Variants in GIPR observed in about 807,000 individuals in gnomAD.
GIPR encodes the protein gastric inhibitory polypeptide receptor, also known as GIP-R.
GIPR carries 74 observed loss-of-function variants against 62.2 expected under a neutral mutation model. The ratio of observed to expected loss-of-function variants is 1.19; its 90% confidence interval spans 0.99 to 1.44. The LOEUF is 1.44. GIPR is among the 40% of genes most tolerant of loss of function. GIPR has a pLI of 0.00. For synonymous variants in GIPR, 256 were observed against 262.2 expected (o/e 0.98, Z 0.23); for missense variants, 664 against 611.8 (o/e 1.09, Z -0.90).
Position 45,677,371 on chromosome 19 carries a change from A to G in GIPR, c.842A>G (p.Tyr281Cys), listed in dbSNP as rs1452158129. The G allele has an allele frequency of 1.9e-6, 3 of 1,580,028 alleles. No homozygotes were observed. In the Admixed American group the frequency reaches 5.0e-5, roughly 27 times the overall value. Residue 281 changes from tyrosine (Y) to cysteine (C), a missense_variant, in exon 9 of 14, where the codon TAC becomes TGC. Coordinates refer to ENST00000590918, the MANE Select transcript of GIPR (RefSeq NM_000164.4). ...CCCTGGGTGATCGTCAGGTACCTGT[A>G]CGAGAACACGCAGTGAGTTGCAGGG... The part of the protein sequence containing the change: ...VIPWVIVRYL[Y>C]ENTQCWERNE...
At chr19:45,671,723 C>T (rs1975548847) in intron 4 of GIPR, among the ~76,000 whole-genome samples, 1 of 152,176 alleles carries the variant, frequency 6.6e-6, no homozygotes, top group South Asian at 2.1e-4. Flanking sequence ...CCTCAGCCTC[C>T]CGAGAAGCCG....
chr19:45,673,419 CAAAAA>C (rs71175203), intron 5 of GIPR, among the ~76,000 whole-genome samples: 12,430 of 82,288 alleles, frequency 0.15, 604 homozygotes, highest in East Asian at 0.43. Flanking sequence ...GACTCCATCT[CAAAAA>C]AAAAAAAAAA....
intron 9 of GIPR, 130 bp downstream of exon 9, chr19:45,677,513 A>G (rs1003673289): frequency 6.9e-6 from 5 of 725,484 alleles, no homozygotes; most frequent in Admixed American, 2.1e-5. Flanking sequence ...CGGGATCCGA[A>G]GTAATGGGGA....
At chr19:45,680,367 CAAAA>C (rs202180199) in intron 12 of GIPR, among the ~76,000 whole-genome samples, 1 of 147,616 alleles carries the variant, frequency 6.8e-6, no homozygotes, top group Non-Finnish European at 1.5e-5. Flanking sequence ...GTCTCAAAAA[CAAAA>C]AAAAAATTAA....
Position 45,681,834 on chromosome 19 carries a change from G to T in GIPR, c.1300G>T (p.Gly434Cys). 1.3e-6 allele frequency: 2 copies of T among 1,555,668 alleles called. No homozygotes were observed. The highest frequency in any genetic ancestry group is 1.7e-6 in the Non-Finnish European group (2 of 1,149,358). Residue 434 changes from glycine to cysteine, a missense_variant, in exon 14 of 14, where the codon GGC becomes TGC. By Grantham distance (159) the Gly-to-Cys change is radical (BLOSUM62 -3). Coordinates refer to ENST00000590918, the MANE Select transcript of GIPR (RefSeq NM_000164.4). ...GCGCGCCTTCCGGGCCCTGCCCTCC[G>T]GCTCCGGCCCGGGCGAGGTCCCCAC... ...PERAFRALPS[G>C]SGPGEVPTSR...
At chr19:45,669,406 C>T (rs1325877498) in intron 1 of GIPR, 71 bp from the exon 2 acceptor site, 33 of 1,441,630 alleles carry the variant, frequency 2.3e-5, no homozygotes, top group Non-Finnish European at 3.0e-5. Flanking sequence ...GTGTGTGAAT[C>T]CCTGAGGCGG....
rs1466887239 is a variant in GIPR, at chr19:45,681,765, C to T, written c.1231C>T (p.Arg411Cys). ...SEIRRGWHHC[R>C]LRRSLGEEQR... ...GATCCGCCGTGGCTGGCACCACTGC[C>T]GCCTGCGCCGCAGCCTGGGCGAGGA... The change falls in exon 14 of 14, where the codon CGC becomes TGC. Residue 411 changes from arginine (R) to cysteine (C), a missense_variant. Arg to Cys is a radical substitution (Grantham distance 180). Transcript: ENST00000590918. 13 of 1,604,564 alleles carry T rather than the reference C, an allele frequency of 8.1e-6. No individual in the cohort carries two copies. Among genetic ancestry groups the T allele is most frequent in the African/African-American group, 2.7e-5 (2 of 74,772 alleles).
chr19:45,677,287 CGGCGGGGTGGGGG>C, intron 8 of GIPR, 23 bp from the exon 9 acceptor site: 2 of 966,596 alleles, frequency 2.1e-6, no homozygotes, highest in Non-Finnish European at 3.0e-6. Context: ...CTGACAGCTG[CGGCGGGGTGGGGG>C]GGCGGGGTCG....
chr19:45,670,570 C>A, intron 2 of GIPR, 65 bp from the exon 3 acceptor site: 1 of 1,156,954 alleles, frequency 8.6e-7, no homozygotes, highest in Non-Finnish European at 1.3e-6. Flanking sequence ...TTCTGGGCCA[C>A]ATGGACCTAG....
intron 3 of GIPR, among the ~76,000 whole-genome samples, 188 bp from the exon 4 acceptor site, chr19:45,671,097 G>T (rs554340810): frequency 3.3e-5 from 5 of 152,150 alleles, no homozygotes; most frequent in Admixed American, 3.3e-4. Context: ...TTTGAGGCTG[G>T]TGGGAGGAGC....
At chr19:45,672,093 C>A (rs918319416) in intron 4 of GIPR, among the ~76,000 whole-genome samples, 1 of 151,520 alleles carries the variant, frequency 6.6e-6, no homozygotes, top group African/African-American at 2.4e-5. Flanking sequence ...TTCACTGCAG[C>A]CTGGGAACTC....
rs1967278833 is a variant in GIPR at position 45,682,102 on chromosome 19, AC to A, written c.*168del. The A allele has an allele frequency of 1.5e-6, 1 of 657,332 alleles. No individual in the cohort carries two copies. The highest frequency in any genetic ancestry group is 2.7e-6 in the Non-Finnish European group (1 of 366,014). 40.7% of individuals were successfully genotyped at this position (657,332 alleles called of 1,614,324 possible). A position where few individuals can be genotyped will look rare whatever the true frequency, so the allele number is the denominator to read the frequency against. ...GGGGAAAACAGACCGTGAACACAAA[AC>A]ATCAAGTTCCACACACGCTATGGAA... is the stretch of plus-strand genomic sequence containing the variant. On this transcript the variant is annotated 3_prime_UTR_variant, in exon 14 of 14. Coordinates refer to ENST00000590918, the MANE Select transcript of GIPR (RefSeq NM_000164.4).
At chr19:45,678,975 C>T (rs1006213965) in intron 12 of GIPR, among the ~76,000 whole-genome samples, 12 of 152,220 alleles carry the variant, frequency 7.9e-5, no homozygotes, top group African/African-American at 2.2e-4. Context: ...GAGTCCCCAA[C>T]CTGCTTCACC....
Position 45,676,998 on chromosome 19 carries a change from G to A in GIPR, c.683G>A (p.Gly228Asp). The A allele has an allele frequency of 2.5e-6, 4 of 1,614,074 alleles. No individual in the cohort carries two copies. The South Asian group carries it at 4.4e-5, about 18-fold the overall frequency. ...CAGATCGTGACCCAGTACTGCGTGG[G>A]TGCCAACTACACGTGGCTGCTGGTG... Reference protein sequence around the residue: ...TAQIVTQYCVGANYTWLLVEG... With the variant: ...TAQIVTQYCVDANYTWLLVEG... Residue 228 changes from glycine to aspartate, a missense_variant, in exon 8 of 14, where the codon GGT (glycine) becomes GAT (aspartate). Physicochemically the swap from Gly to Asp is moderately conservative, Grantham distance 94 (BLOSUM62 -1). Coordinates refer to ENST00000590918, the MANE Select transcript of GIPR (RefSeq NM_000164.4).
intron 7 of GIPR, among the ~76,000 whole-genome samples, chr19:45,676,414 A>G (rs1046396746): frequency 2.0e-5 from 3 of 149,974 alleles, no homozygotes; most frequent in Admixed American, 1.4e-4. Context: ...TGGAGTCTCA[A>G]AAAAGAAGCT....
chr19:45,674,653 C>T (rs368760933), intron 6 of GIPR, 29 bp from the exon 7 acceptor site: 123 of 1,611,720 alleles, frequency 7.6e-5, no homozygotes, highest in Non-Finnish European at 9.5e-5. Flanking sequence ...TCTCCAGGGG[C>T]CCCCACACTG....
chr19:45,669,743 C>G, intron 2 of GIPR, 151 bp downstream of exon 2: 1 of 1,026,682 alleles, frequency 9.7e-7, no homozygotes, highest in Non-Finnish European at 1.4e-6. Context: ...GCCAGGAGTT[C>G]GAGACCAGCC....
chr19:45,669,957 G>T (rs112328173), intron 2 of GIPR, among the ~76,000 whole-genome samples: 3 of 150,848 alleles, frequency 2.0e-5, no homozygotes, highest in East Asian at 2.0e-4. Context: ...TCGGGGTGGG[G>T]GGGGGAGGCT....
At chr19:45,681,496 T>C in intron 12 of GIPR, 108 bp from the exon 13 acceptor site, 1 of 924,126 alleles carries the variant, frequency 1.1e-6, no homozygotes, top group Non-Finnish European at 1.7e-6. Flanking sequence ...ATTCCGACTC[T>C]TAAAAACAAA....
Sources: gnomAD v4.1 joint callset for allele counts (sites outside exome capture counted in the v4.1 genomes callset) on GRCh38, gnomAD v4.1.1 for gene constraint, MANE v1.5 for transcripts, NCBI Gene and HGNC (gene_info 2026-07-23, HGNC 2026-07-21) for gene names.